The following CYFIP1 variants were observed in gnomAD, a reference collection of about 807,000 sequenced individuals.
The protein encoded by CYFIP1 is cytoplasmic FMR1-interacting protein 1.
A neutral mutation model predicts 163.5 loss-of-function variants in CYFIP1; 58 were observed. The observed-to-expected ratio is 0.35, with a 90% CI of 0.29 to 0.44. The LOEUF (loss-of-function observed/expected upper bound fraction) is 0.44, where lower values mean the gene tolerates loss of function less well. CYFIP1 is among the 20% of genes least tolerant of loss of function. The pLI, the probability that CYFIP1 is intolerant of heterozygous loss-of-function variation, is 1.00. For synonymous variants in CYFIP1, 663 were observed against 660.7 expected (o/e 1.00, Z -0.05); for missense variants, 1,338 against 1,653.8 (o/e 0.81, Z 3.31).
intron 13 of CYFIP1, among the ~76,000 whole-genome samples, chr15:22,925,511 G>A (rs2061329870): frequency 6.6e-6 from 1 of 152,168 alleles, no homozygotes; most frequent in African/African-American, 2.4e-5. Context: ...TATCCAGAAA[G>A]CAATGCAGAA....
rs188993794 is a variant in CYFIP1 at position 22,976,665 on chromosome 15, T to C, written c.-7+3622A>G. 2.9e-3 allele frequency among the ~76,000 whole-genome samples: 448 copies of C among 152,266 alleles called. 3 individuals are homozygous for C. The highest frequency in any genetic ancestry group is 0.022 in the South Asian group (104 of 4,830). On this transcript the variant is annotated intron_variant, in intron 1 of 30. Coordinates refer to ENST00000617928, the MANE Select transcript of CYFIP1 (RefSeq NM_014608.6). ...TATAATTATTCTATATTATGAACAG[T>C]TATTGTTGGTAATCTCTTACTGCGC...
chr15:22,936,244 A>G (rs1232792727), intron 9 of CYFIP1, among the ~76,000 whole-genome samples: 2 of 152,186 alleles, frequency 1.3e-5, no homozygotes, highest in Non-Finnish European at 2.9e-5. Flanking sequence ...TCTCAAAAAC[A>G]AAACAAAACA....
chr15:22,923,780 A>ATT (rs2061265674), intron 13 of CYFIP1, among the ~76,000 whole-genome samples: 10 of 151,792 alleles, frequency 6.6e-5, no homozygotes, highest in Non-Finnish European at 1.3e-4. Context: ...CCATCTCTAC[A>ATT]AAAAATTTAA....
chr15:22,879,212 G>A (rs763080728), intron 26 of CYFIP1, among the ~76,000 whole-genome samples: 1 of 152,070 alleles, frequency 6.6e-6, no homozygotes, highest in African/African-American at 2.4e-5. Flanking sequence ...ACAAGAAGAC[G>A]CAACGAACGA....
At chr15:22,894,054 C>T (rs547238198) in intron 22 of CYFIP1, among the ~76,000 whole-genome samples, 1 of 152,090 alleles carries the variant, frequency 6.6e-6, no homozygotes. Flanking sequence ...ACTGCTCACA[C>T]CCTTGACAGC....
intron 16 of CYFIP1, among the ~76,000 whole-genome samples, chr15:22,916,236 T>C (rs964485726): frequency 1.3e-5 from 2 of 152,162 alleles, no homozygotes; most frequent in Non-Finnish European, 2.9e-5. Flanking sequence ...GTTGAAAAGA[T>C]TTTCTGTTCA....
chr15:22,936,964 C>A, intron 9 of CYFIP1, 140 bp downstream of exon 9: 1 of 644,916 alleles, frequency 1.6e-6, no homozygotes, highest in Non-Finnish European at 2.7e-6. Flanking sequence ...CCTCTGCAGA[C>A]GGGAGAACGT....
chr15:22,927,947 G>A lies in CYFIP1; in HGVS notation c.1192C>T (p.Leu398=), dbSNP rs2061410092. 3 of 1,606,300 alleles carry A rather than the reference G, an allele frequency of 1.9e-6. No homozygotes were observed. The highest frequency in any genetic ancestry group is 2.5e-6 in the Non-Finnish European group (3 of 1,178,030). ...GCGCTCCACTGCGACAACAGCTGCA[G>A]GCCCTGCAGCGCCAGGTCGAAGAGC... ...RKLFDLALQG[L]QLLSQWSAHV... is the part of the protein sequence containing the mutation. The change falls in exon 12 of 31, where the codon CTG becomes TTG. Residue 398 remains leucine, a synonymous_variant. Coordinates refer to ENST00000617928, the MANE Select transcript of CYFIP1 (RefSeq NM_014608.6).
chr15:22,950,081 T>C (rs901064055), intron 1 of CYFIP1, among the ~76,000 whole-genome samples: 1 of 151,984 alleles, frequency 6.6e-6, no homozygotes, highest in Non-Finnish European at 1.5e-5. Flanking sequence ...TAAAAGGAAA[T>C]AGAGCAATGA....
intron 22 of CYFIP1, among the ~76,000 whole-genome samples, chr15:22,896,708 T>C (rs1352110848): frequency 6.6e-6 from 1 of 152,184 alleles, no homozygotes; most frequent in Non-Finnish European, 1.5e-5. Context: ...TTTCCCTGAA[T>C]CCTTGAGCAC....
intron 6 of CYFIP1, among the ~76,000 whole-genome samples, chr15:22,941,273 A>C (rs980764834): frequency 6.6e-6 from 1 of 151,478 alleles, no homozygotes. Flanking sequence ...TGTTACCCAG[A>C]CTGGTCTCAA....
intron 23 of CYFIP1, among the ~76,000 whole-genome samples, chr15:22,884,020 AG>A (rs1174503130): frequency 3.9e-5 from 6 of 152,132 alleles, no homozygotes; most frequent in African/African-American, 1.4e-4. Context: ...CACTATCACA[AG>A]AACAGCATGT....
chr15:22,939,366 C>T (rs201118903), intron 7 of CYFIP1, 45 bp downstream of exon 7: 28 of 1,614,016 alleles, frequency 1.7e-5, no homozygotes, highest in Admixed American at 6.7e-5. Context: ...GGCGCCCGGC[C>T]GGCTGCTTGG....
chr15:22,963,546 T>TAA (rs774606518), intron 1 of CYFIP1, among the ~76,000 whole-genome samples: 32 of 134,682 alleles, frequency 2.4e-4, no homozygotes, highest in East Asian at 9.0e-4. Context: ...TAACATAACA[T>TAA]AACATAACAT....
chr15:22,927,210 T>C (rs1488058809), intron 12 of CYFIP1, among the ~76,000 whole-genome samples: 1 of 151,890 alleles, frequency 6.6e-6, no homozygotes, highest in Non-Finnish European at 1.5e-5. Flanking sequence ...CCAGGTGCGG[T>C]GGCTCAAGCC....
rs1424755801 is a variant in CYFIP1 at position 22,881,905 on chromosome 15, G to A, written c.2852C>T (p.Thr951Met). ...LQGTILQYVK[T>M]LMEVMPKICR... The stretch of plus-strand genomic sequence containing the variant: ...GATCTTGGGCATCACCTCCATCAGC[G>A]TCTTCACGTACTGCAGGATTGTGCC... Residue 951 changes from threonine (T) to methionine (M), a missense_variant, in exon 25 of 31, where the codon ACG becomes ATG. Around this residue, in one of 4 missense-constraint regions of CYFIP1, gnomAD observed 824 missense variants for 995.7 expected, o/e 0.83. Coordinates refer to ENST00000617928, the MANE Select transcript of CYFIP1 (RefSeq NM_014608.6). The A allele has an allele frequency of 3.7e-6, 6 of 1,612,566 alleles. No individual in the cohort carries two copies. The highest frequency in any genetic ancestry group is 5.1e-6 in the Non-Finnish European group (6 of 1,179,982).
chr15:22,949,455 G>C (rs978670951), intron 1 of CYFIP1, among the ~76,000 whole-genome samples: 7 of 152,172 alleles, frequency 4.6e-5, no homozygotes, highest in Non-Finnish European at 1.0e-4. Context: ...CTGACAGGAA[G>C]GGAGGTGGAA....
intron 22 of CYFIP1, among the ~76,000 whole-genome samples, chr15:22,893,969 T>C (rs1220497954): frequency 6.6e-6 from 1 of 152,162 alleles, no homozygotes; most frequent in East Asian, 1.9e-4. Context: ...TTCCAGGAAG[T>C]ACATTCCATC....
intron 11 of CYFIP1, among the ~76,000 whole-genome samples, chr15:22,929,437 TC>T (rs1207150628): frequency 2.0e-5 from 3 of 151,494 alleles, no homozygotes; most frequent in Non-Finnish European, 4.4e-5. Context: ...ATGGAGATCA[TC>T]CTGGCCAACA....
Sources: allele counts gnomAD v4.1 joint callset (sites outside exome capture counted in the v4.1 genomes callset), GRCh38; gene constraint gnomAD v4.1.1; regional missense constraint gnomAD v4.1.1; transcripts MANE v1.5; gene names NCBI Gene and HGNC (gene_info 2026-07-23, HGNC 2026-07-21).